The following SRR variants were observed in gnomAD, a reference collection of about 807,000 sequenced individuals.
SRR encodes the protein serine racemase.
SRR carries 19 observed loss-of-function variants against 32.7 expected under a neutral mutation model. That is an observed-to-expected ratio of 0.58 (90% confidence interval 0.40 to 0.85). SRR has a LOEUF of 0.85. Among genes scored for constraint, SRR ranks in the 40% least tolerant of loss-of-function variants. The pLI is 0.00. For missense variants in SRR, 373 were observed against 404.7 expected (o/e 0.92, Z 0.67); for synonymous variants, 142 against 140.9 (o/e 1.01, Z -0.06).
At chr17:2,307,881 C>G (rs1597257731) in intron 1 of SRR, among the ~76,000 whole-genome samples, 1 of 151,832 alleles carries the variant, frequency 6.6e-6, no homozygotes, top group South Asian at 2.1e-4. Context: ...GCAAAAAACT[C>G]GAAGACTGTA....
At chr17:2,310,003 G>T (rs1220835388) in intron 1 of SRR, 1 of 152,188 alleles carries the variant, frequency 6.6e-6, no homozygotes, top group Non-Finnish European at 1.5e-5. Context: ...GAGAGACTAA[G>T]AGTCTGGGAA....
chr17:2,306,645 A>T (rs933376429), intron 1 of SRR: 10 of 347,932 alleles, frequency 2.9e-5, no homozygotes, highest in African/African-American at 2.1e-4. Flanking sequence ...TGAACCAAGG[A>T]GGTAGAGGCT....
At chr17:2,309,923 TCAGTTGGTTC>T (rs1313721642) in intron 1 of SRR, 1 of 152,136 alleles carries the variant, frequency 6.6e-6, no homozygotes, top group Non-Finnish European at 1.5e-5. Flanking sequence ...CAGCCACGTG[TCAGTTGGTTC>T]CATATGGAAC....
At chr17:2,317,304 G>T (rs1163934264) in intron 2 of SRR, among the ~76,000 whole-genome samples, 4 of 149,194 alleles carry the variant, frequency 2.7e-5, no homozygotes, top group African/African-American at 7.4e-5. Context: ...GAGGTCAAAA[G>T]ATCGAGACCA....
chr17:2,313,677 A>G (rs1333774830), intron 1 of SRR, among the ~76,000 whole-genome samples: 1 of 152,154 alleles, frequency 6.6e-6, no homozygotes, highest in East Asian at 1.9e-4. Context: ...CAGAGGTTGC[A>G]GTGAGCCACA....
chr17:2,303,536 G>A (rs1475889140), upstream of SRR: 51 of 1,338,978 alleles, frequency 3.8e-5, no homozygotes, highest in Admixed American at 7.0e-4. Context: ...AGGGGCGGGG[G>A]CTCCGGAGCC....
chr17:2,315,094 T>A (rs1255778049), intron 1 of SRR, among the ~76,000 whole-genome samples: 3 of 150,586 alleles, frequency 2.0e-5, no homozygotes, highest in Admixed American at 2.0e-4. Context: ...ATATAAAAAT[T>A]AGCTGGGCAC....
chr17:2,311,258 C>T (rs2151430420), intron 1 of SRR, among the ~76,000 whole-genome samples: 1 of 152,172 alleles, frequency 6.6e-6, no homozygotes, highest in Non-Finnish European at 1.5e-5. Context: ...GGTACAATAA[C>T]TCACTGCAGC....
chr17:2,320,187 TC>T (rs1300256022), intron 4 of SRR, among the ~76,000 whole-genome samples: 1 of 151,540 alleles, frequency 6.6e-6, no homozygotes, highest in Non-Finnish European at 1.5e-5. Context: ...AAACGAGAGT[TC>T]TTGCAATCAT....
chr17:2,321,751 G>A (rs1173209883), intron 6 of SRR, 135 bp downstream of exon 6: 4 of 745,678 alleles, frequency 5.4e-6, no homozygotes, highest in Non-Finnish European at 9.1e-6. Context: ...TTGAGATGAA[G>A]GCCCATCTCT....
At position 2,317,739 on chromosome 17, in the gene SRR, T is replaced by G. The variant is rs373286826; in HGVS notation, c.169-131T>G. On this transcript the variant is annotated intron_variant, in intron 2 of 7. Coordinates refer to ENST00000344595, the MANE Select transcript of SRR (RefSeq NM_021947.3). ...AAAATAAAGATGCACATGAGATATT[T>G]AAGAGGTAAATCGATAAGATTTGGT... 8.4e-5 allele frequency: 80 copies of G among 954,054 alleles called. No individual in the cohort carries two copies. The African/African-American group carries it at 1.1e-3, about 13-fold the overall frequency. The allele number at this position is 954,054 out of a possible 1,614,324, so 59.1% of individuals were successfully genotyped here. A position where few individuals can be genotyped will look rare whatever the true frequency, so the allele number is the denominator to read the frequency against.
Position 2,324,445 on chromosome 17 carries a change from C to A in SRR, c.*572C>A. 1 of 1,612,002 alleles carries A rather than the reference C, an allele frequency of 6.2e-7. No homozygotes were observed. ...TTTAAAGCAATGACTTCCAACCCAA[C>A]AGTCATTTAGCAACACTGCAGAAAT... is the stretch of plus-strand genomic sequence containing the variant. On this transcript the variant is annotated 3_prime_UTR_variant, in exon 8 of 8. Transcript: ENST00000344595.
At chr17:2,315,233 T>TC (rs2075463390) in intron 1 of SRR, 1 of 137,380 alleles carries the variant, frequency 7.3e-6, no homozygotes, top group Non-Finnish European at 1.4e-5. Flanking sequence ...AGAGCGAGAC[T>TC]CCGTCTCAAA....
chr17:2,313,279 A>G (rs1006047335), intron 1 of SRR, among the ~76,000 whole-genome samples: 3 of 151,850 alleles, frequency 2.0e-5, no homozygotes, highest in Non-Finnish European at 4.4e-5. Context: ...AAAATAAAAA[A>G]ATTAGCTGGG....
In SRR at chr17:2,310,022, A is replaced by G. The variant is rs967884851; in HGVS notation, c.-4-5535A>G. ...GACTAAGAGTCTGGGAAGCTGTCAA[A>G]TCTCTGGTTCCAGTAGTTCCTGAAG... On this transcript the variant is annotated intron_variant, in intron 1 of 7. Coordinates refer to ENST00000344595, the MANE Select transcript of SRR (RefSeq NM_021947.3). The G allele has an allele frequency of 1.6e-4, 25 of 152,250 alleles. 1 individual carries two copies. The highest frequency in any genetic ancestry group is 6.0e-4 in the African/African-American group (25 of 41,538). The allele number at this position is 152,250 out of a possible 1,614,324, so 9.4% of individuals were successfully genotyped here.
Position 2,324,206 on chromosome 17 carries a change from C to A in SRR, c.*333C>A. ...ATCTCTTTGAATCCATTACTCCATG[C>A]CCCCTTGAGGCACTGTTGAAGAAAT... is the stretch of plus-strand genomic sequence containing the variant. On this transcript the variant is annotated 3_prime_UTR_variant, in exon 8 of 8. Transcript: ENST00000344595. 1 of 1,520,946 alleles carries A rather than the reference C, an allele frequency of 6.6e-7. No individual in the cohort carries two copies. The highest frequency in any genetic ancestry group is 8.8e-7 in the Non-Finnish European group (1 of 1,139,312). 94.2% of individuals were successfully genotyped at this position (1,520,946 alleles called of 1,614,324 possible). A position where few individuals can be genotyped will look rare whatever the true frequency, so the allele number is the denominator to read the frequency against.
Sources: gnomAD v4.1 joint callset for allele counts (sites outside exome capture counted in the v4.1 genomes callset) on GRCh38, gnomAD v4.1.1 for gene constraint, MANE v1.5 for transcripts, NCBI Gene and HGNC (gene_info 2026-07-23, HGNC 2026-07-21) for gene names.